Variants in ZNF516 observed in about 807,000 individuals in gnomAD.
ZNF516 encodes the protein zinc finger protein 516.
ZNF516 carries 19 observed loss-of-function variants against 79.7 expected under a neutral mutation model. The observed-to-expected ratio is 0.24, with a 90% confidence interval of 0.17 to 0.35. The LOEUF is 0.35. ZNF516 is among the 10% of genes least tolerant of loss of function. The pLI is 1.00. For missense variants in ZNF516, 1,678 were observed against 1,679.5 expected (o/e 1.00, Z 0.02); for synonymous variants, 877 against 739.5 (o/e 1.19, Z -3.02).
At chr18:76,448,350 T>TCAATCCC (rs1230054505) in intron 2 of ZNF516, among the ~76,000 whole-genome samples, 1 of 152,228 alleles carries the variant, frequency 6.6e-6, no homozygotes, top group Non-Finnish European at 1.5e-5. Context: ...TAGGCCAGTA[T>TCAATCCC]TTCAACTAAT....
chr18:76,400,658 CAGAA>C (rs1299110417), intron 3 of ZNF516, among the ~76,000 whole-genome samples: 66 of 152,276 alleles, frequency 4.3e-4, no homozygotes, highest in Admixed American at 2.9e-3. Context: ...CTTGTCCACA[CAGAA>C]AGCCAGGCAA....
chr18:76,491,285 GC>G (rs1915182084), intron 1 of ZNF516, among the ~76,000 whole-genome samples: 1 of 15,872 alleles, frequency 6.3e-5, no homozygotes, highest in Non-Finnish European at 1.3e-4. Flanking sequence ...CCCGGCCCCG[GC>G]CCCGGCCCCG....
At chr18:76,475,225 G>C (rs1377949310) in intron 1 of ZNF516, among the ~76,000 whole-genome samples, 1 of 152,166 alleles carries the variant, frequency 6.6e-6, no homozygotes, top group African/African-American at 2.4e-5. Context: ...TGGATAATGT[G>C]ACGAAGTAAC....
At chr18:76,495,731 C>A, upstream of ZNF516, 1 of 1,175,612 alleles carries the variant, frequency 8.5e-7, no homozygotes, top group South Asian at 1.5e-5. Context: ...CCGGCGGGTA[C>A]CTGGGCACTG....
At chr18:76,373,498 G>C (rs1298124959) in intron 4 of ZNF516, among the ~76,000 whole-genome samples, 1 of 152,214 alleles carries the variant, frequency 6.6e-6, no homozygotes, top group African/African-American at 2.4e-5. Context: ...GCTTCTACAG[G>C]TGGAATCTGA....
rs1453227525 is a variant in ZNF516 at position 76,467,345 on chromosome 18, G to C, written c.-271-4204C>G. 7.0e-6 allele frequency among the ~76,000 whole-genome samples: 1 copy of C among 143,602 alleles called. No individual in the cohort carries two copies. The highest frequency in any genetic ancestry group is 1.5e-5 in the Non-Finnish European group (1 of 65,404). The allele number at this position is 143,602 out of a possible 152,430, so 94.2% of individuals were successfully genotyped here. On this transcript the variant is annotated intron_variant, in intron 1 of 6. Coordinates refer to ENST00000443185, the MANE Select transcript of ZNF516 (RefSeq NM_014643.4). The surrounding 1 kb of genome is among the most constrained non-coding windows in gnomAD (Gnocchi z 4.2). ...CCTCTGGGTTGGCAGGAAGTCCTGC[G>C]TGTCTCTCGGAACCTGCAGCTCACA...
rs765526018 is a variant in ZNF516, at chr18:76,378,911, T to C, written c.3203A>G (p.Asp1068Gly). ...CCATCCCTGGTAGAGGGTCGCAAAG[T>C]CCTTTGGAATGTACGTCTTAAAGAT... ...LNIFKTYIPK[D>G]FATLYQGWGV... Residue 1068 changes from aspartate (D) to glycine (G), a missense_variant, in exon 4 of 7, where the codon GAC becomes GGC. Physicochemically the swap from Asp to Gly is moderately conservative, Grantham distance 94. Transcript: ENST00000443185. 1 of 1,613,764 alleles carries C rather than the reference T, an allele frequency of 6.2e-7. No homozygotes were observed. Among genetic ancestry groups the C allele is most frequent in the South Asian group, 1.1e-5 (1 of 91,082 alleles).
intron 3 of ZNF516, among the ~76,000 whole-genome samples, chr18:76,441,004 T>A (rs1268759932): frequency 6.6e-6 from 1 of 152,150 alleles, no homozygotes; most frequent in Non-Finnish European, 1.5e-5. Flanking sequence ...TCCAGATCCA[T>A]ACTGGGGACA....
intron 1 of ZNF516, among the ~76,000 whole-genome samples, chr18:76,479,973 C>G (rs977781811): frequency 1.3e-5 from 2 of 152,202 alleles, no homozygotes; most frequent in African/African-American, 4.8e-5. Context: ...GGTTTGAAAA[C>G]AAATAGCAGA....
chr18:76,487,904 G>A (rs1914922487), intron 1 of ZNF516: 1 of 984,396 alleles, frequency 1.0e-6, no homozygotes, highest in Non-Finnish European at 1.2e-6. Flanking sequence ...AAGGACTGAG[G>A]ATGAGAGCCC....
rs1276758868 is a variant in ZNF516, at chr18:76,404,670, TGA to T, written c.1811-24369_1811-24368del. Among the ~76,000 whole-genome samples, 330 of 152,278 alleles carry T rather than the reference TGA, an allele frequency of 2.2e-3. 2 individuals carry two copies. Among genetic ancestry groups the T allele is most frequent in the African/African-American group, 7.5e-3 (312 of 41,554 alleles). ...ATGTGCATGTGTACATGGGTGAGCG[TGA>T]GTTTGTGCCTGTGAGCATGAGTGTG... On this transcript the variant is annotated intron_variant, in intron 3 of 6. Coordinates refer to ENST00000443185, the MANE Select transcript of ZNF516 (RefSeq NM_014643.4).
chr18:76,363,349 TTC>T (rs1599123891), intron 6 of ZNF516, among the ~76,000 whole-genome samples: 3 of 152,222 alleles, frequency 2.0e-5, no homozygotes, highest in Admixed American at 2.0e-4. Flanking sequence ...TCGTGTAAAA[TTC>T]TGTTTCCAGC....
intron 3 of ZNF516, among the ~76,000 whole-genome samples, chr18:76,434,771 C>A (rs375350392): frequency 1.3e-5 from 2 of 152,234 alleles, no homozygotes; most frequent in Non-Finnish European, 2.9e-5. Context: ...AGGAAGAGTG[C>A]GTGTGCAGGA....
intron 2 of ZNF516, among the ~76,000 whole-genome samples, chr18:76,461,777 G>A (rs1913125673): frequency 6.6e-6 from 1 of 152,220 alleles, no homozygotes; most frequent in African/African-American, 2.4e-5. Context: ...ACCAGCTTGA[G>A]GCTTGTCGCC....
At chr18:76,412,309 G>A (rs1042281131) in intron 3 of ZNF516, among the ~76,000 whole-genome samples, 45 of 152,098 alleles carry the variant, frequency 3.0e-4, no homozygotes, top group African/African-American at 9.4e-4. Flanking sequence ...CAGAGGGGAC[G>A]TACACGGCAC....
intron 3 of ZNF516, among the ~76,000 whole-genome samples, chr18:76,428,245 T>C (rs2075619484): frequency 1.3e-5 from 2 of 151,396 alleles, no homozygotes; most frequent in South Asian, 4.2e-4. Context: ...AAAAAAAAAT[T>C]AGCCGGGCAT....
intron 3 of ZNF516, among the ~76,000 whole-genome samples, chr18:76,395,333 C>A (rs562451886): frequency 6.6e-6 from 1 of 152,246 alleles, no homozygotes; most frequent in South Asian, 2.1e-4. Context: ...ACAGCTTTAT[C>A]GCCACTATCT....
intron 3 of ZNF516, among the ~76,000 whole-genome samples, chr18:76,437,443 A>ATT (rs397719015): frequency 4.7e-5 from 7 of 149,856 alleles, no homozygotes; most frequent in African/African-American, 9.8e-5. Flanking sequence ...CCTTGACCAT[A>ATT]TTTTTTTTTT....
intron 3 of ZNF516, among the ~76,000 whole-genome samples, chr18:76,406,694 C>T (rs1396414139): frequency 3.9e-5 from 6 of 152,214 alleles, no homozygotes; most frequent in Admixed American, 2.6e-4. Flanking sequence ...ATCATGGGTT[C>T]CAGGCTTTCG....
Sources: gnomAD v4.1 joint callset for allele counts (sites outside exome capture counted in the v4.1 genomes callset) on GRCh38, gnomAD v4.1.1 for gene constraint, Gnocchi (gnomAD v3.1) non-coding constraint, MANE v1.5 for transcripts, NCBI Gene and HGNC (gene_info 2026-07-23, HGNC 2026-07-21) for gene names.